The following PTGR1 variants were observed in gnomAD, a reference collection of about 807,000 sequenced individuals.
PTGR1 encodes the protein prostaglandin reductase 1.
A neutral mutation model predicts 37.7 loss-of-function variants in PTGR1; 23 were observed. The observed-to-expected ratio is 0.61, with a 90% confidence interval of 0.44 to 0.86. The LOEUF (loss-of-function observed/expected upper bound fraction) is 0.86, where lower values mean the gene tolerates loss of function less well. Among genes scored for constraint, PTGR1 ranks in the 40% least tolerant of loss-of-function variants. The pLI, the probability that PTGR1 is intolerant of heterozygous loss-of-function variation, is 0.00. For missense variants in PTGR1, 351 were observed against 394.3 expected, an observed-to-expected ratio of 0.89 and a Z score of 0.93; for synonymous variants, 134 against 140.0, an observed-to-expected ratio of 0.96 and a Z score of 0.30.
intron 2 of PTGR1, among the ~76,000 whole-genome samples, chr9:111,597,050 T>C (rs749216826): frequency 3.3e-5 from 5 of 150,860 alleles, no homozygotes; most frequent in African/African-American, 7.3e-5. Context: ...AAAGGCCACA[T>C]AGATGAGAAC....
chr9:111,552,324 A>G (rs1248464133), intron 9 of PTGR1, among the ~76,000 whole-genome samples: 1 of 152,160 alleles, frequency 6.6e-6, no homozygotes, highest in African/African-American at 2.4e-5. Flanking sequence ...TCAACATTCT[A>G]TAGCTTTTGT....
intron 4 of PTGR1, among the ~76,000 whole-genome samples, chr9:111,591,708 T>C (rs72748059): frequency 0.018 from 2,815 of 152,290 alleles, 41 homozygotes; most frequent in Non-Finnish European, 0.03. Flanking sequence ...TAGTTGTCTT[T>C]AAGGTTCAGA....
downstream of PTGR1, among the ~76,000 whole-genome samples, chr9:111,558,330 G>A (rs905431978): frequency 1.3e-5 from 2 of 152,076 alleles, no homozygotes; most frequent in Non-Finnish European, 2.9e-5. Flanking sequence ...CAAATTGGCT[G>A]TGTTCTTTCA....
At position 111,586,037 on chromosome 9, in the gene PTGR1, A is replaced by T; in HGVS notation, c.338T>A (p.Ile113Lys). 6.2e-7 allele frequency: 1 copy of T among 1,614,218 alleles called. No homozygotes were observed. Among genetic ancestry groups the T allele is most frequent in the South Asian group, 1.1e-5 (1 of 91,086 alleles). Residue 113 changes from isoleucine to lysine, a missense_variant, in exon 5 of 10, where the codon ATA (isoleucine) becomes AAA (lysine). Coordinates refer to ENST00000407693, the MANE Select transcript of PTGR1 (RefSeq NM_001146108.2). ...TGTCCCCAGAGCCAAAGACAGTGGT[A>T]TTGTGTCTGGCCACTCTGTCAGCAG... Reference protein sequence around the residue: ...EKLLTEWPDTIPLSLALGTVG... With the variant: ...EKLLTEWPDTKPLSLALGTVG...
intron 8 of PTGR1, among the ~76,000 whole-genome samples, chr9:111,570,500 G>A (rs1015936791): frequency 6.6e-6 from 1 of 152,114 alleles, no homozygotes; most frequent in Non-Finnish European, 1.5e-5. Flanking sequence ...GGGTGGCGCG[G>A]TGGCTCACAC....
chr9:111,585,886 C>T (rs1829414437), intron 5 of PTGR1, 112 bp downstream of exon 5: 1 of 1,257,192 alleles, frequency 8.0e-7, no homozygotes, highest in South Asian at 1.4e-5. Context: ...TGATCAGCCC[C>T]TGAGCCTATC....
chr9:111,560,974 T>TATATAGAGAGAG (rs1564607823), downstream of PTGR1, among the ~76,000 whole-genome samples: 1 of 9,344 alleles, frequency 1.1e-4, no homozygotes, highest in Non-Finnish European at 1.9e-4. Context: ...TATATATATA[T>TATATAGAGAGAG]AGAGAGAGAG....
At chr9:111,561,008 GA>G (rs1343437524), downstream of PTGR1, among the ~76,000 whole-genome samples, 51 of 98,336 alleles carry the variant, frequency 5.2e-4, 6 homozygotes, top group South Asian at 7.5e-4. Flanking sequence ...GAGAGAGAGA[GA>G]GAGAGAGAGG....
At chr9:111,572,225 GA>G (rs1043998208) in intron 8 of PTGR1, among the ~76,000 whole-genome samples, 2 of 152,210 alleles carry the variant, frequency 1.3e-5, no homozygotes, top group Non-Finnish European at 2.9e-5. Flanking sequence ...GAATGAGACA[GA>G]AAGAGTGCTT....
At position 111,556,189 on chromosome 9, in the gene PTGR1, T is replaced by A. The variant is rs531070278; in HGVS notation, c.880-6390A>T. Among the ~76,000 whole-genome samples the A allele has an allele frequency of 2.0e-5, 3 of 152,348 alleles. No individual in the cohort carries two copies. In the South Asian group the frequency reaches 6.2e-4, roughly 32 times the overall value. ...GTCATTAAATCTTATAGCTCCATAA[T>A]AATCTTTGACTCCATGTCTCACATC... On this transcript the variant is annotated intron_variant, in intron 9 of 9. Transcript: ENST00000538962.
intron 6 of PTGR1, among the ~76,000 whole-genome samples, chr9:111,580,055 A>G (rs1025638754): frequency 5.3e-5 from 8 of 152,202 alleles, no homozygotes; most frequent in African/African-American, 1.4e-4. Flanking sequence ...AACTATTGCA[A>G]GAGAGCCCTC....
intron 4 of PTGR1, among the ~76,000 whole-genome samples, chr9:111,587,164 T>C (rs779846744): frequency 1.3e-4 from 20 of 152,224 alleles, no homozygotes; most frequent in Non-Finnish European, 1.9e-4. Flanking sequence ...TCTTCCCTCA[T>C]TGGTTCCCAG....
intron 1 of PTGR1, among the ~76,000 whole-genome samples, chr9:111,598,161 A>G (rs2132451747): frequency 6.6e-6 from 1 of 152,096 alleles, no homozygotes; most frequent in Admixed American, 6.5e-5. Context: ...CCCAGTAGGG[A>G]TTTGAGTTTA....
At chr9:111,593,089 T>C (rs1264619186) in intron 3 of PTGR1, 107 bp from the exon 4 acceptor site, 1 of 1,444,302 alleles carries the variant, frequency 6.9e-7, no homozygotes, top group Non-Finnish European at 9.1e-7. Context: ...TCAAGCCAAA[T>C]GAAAAACTGC....
At chr9:111,577,799 C>G (rs1829124777) in intron 7 of PTGR1, 1 of 152,208 alleles carries the variant, frequency 6.6e-6, no homozygotes, top group Non-Finnish European at 1.5e-5. Context: ...GAGCCACGAT[C>G]ACACCACTGC....
intron 8 of PTGR1, among the ~76,000 whole-genome samples, chr9:111,572,035 A>C (rs757405376): frequency 1.3e-5 from 2 of 152,258 alleles, no homozygotes; most frequent in Non-Finnish European, 2.9e-5. Flanking sequence ...TAGGCTTTCA[A>C]GTTCCAGGAA....
At chr9:111,564,227 AT>A in intron 9 of PTGR1, 2 of 1,077,586 alleles carry the variant, frequency 1.9e-6, no homozygotes, top group East Asian at 9.2e-5. Context: ...AGACAAGATT[AT>A]TTGCTTGAAG....
intron 3 of PTGR1, among the ~76,000 whole-genome samples, chr9:111,593,585 G>T (rs540125133): frequency 3.5e-4 from 54 of 152,326 alleles, no homozygotes; most frequent in Non-Finnish European, 4.4e-5. Context: ...CAGGTAAATG[G>T]AAGGCCAGAA....
At chr9:111,561,590 T>C (rs1828323083), downstream of PTGR1, among the ~76,000 whole-genome samples, 1 of 152,174 alleles carries the variant, frequency 6.6e-6, no homozygotes, top group Admixed American at 6.6e-5. Context: ...TTTTTCTTCA[T>C]ATAAATCTTG....
Sources: allele counts gnomAD v4.1 joint callset (sites outside exome capture counted in the v4.1 genomes callset), GRCh38; gene constraint gnomAD v4.1.1; transcripts MANE v1.5; gene names NCBI Gene and HGNC (gene_info 2026-07-23, HGNC 2026-07-21).